The following ACTR3C variants were observed in gnomAD, a reference collection of about 807,000 sequenced individuals.
ACTR3C encodes actin-related protein 3C.
Under a neutral mutation model 26.3 loss-of-function variants are expected in ACTR3C, and 18 were observed. The observed-to-expected ratio is 0.68, with a 90% CI of 0.47 to 1.01. ACTR3C has a LOEUF of 1.01. Ranked by LOEUF, ACTR3C falls within the 50% of genes least tolerant of loss-of-function variation. The pLI is 0.00. For missense variants in ACTR3C, 184 were observed against 250.7 expected (o/e 0.73, Z 1.80); for synonymous variants, 55 against 94.5 (o/e 0.58, Z 2.42).
the ACTR3C span, among the ~76,000 whole-genome samples, chr7:150,103,671 AT>A: frequency 6.6e-6 from 1 of 151,814 alleles, no homozygotes; most frequent in African/African-American, 2.4e-5. Context: ...AAGATTTTCC[AT>A]TTTTTAAATT....
At position 150,275,257 on chromosome 7, in the gene ACTR3C, C is replaced by T. The variant is rs960724114; in HGVS notation, c.564+9496G>A. ...AACAGACACAGCATGGAGCATCAGG[C>T]CTCATTACAAATCATGTTTTTAAAG... On this transcript the variant is annotated intron_variant, in intron 6 of 7. Transcript: ENST00000683684. 6.6e-5 allele frequency among the ~76,000 whole-genome samples: 10 copies of T among 152,286 alleles called. No individual in the cohort carries two copies. The South Asian group carries it at 1.0e-3, about 16-fold the overall frequency.
At chr7:150,305,487 C>T (rs566701544) in intron 1 of ACTR3C, among the ~76,000 whole-genome samples, 19 of 152,226 alleles carry the variant, frequency 1.2e-4, no homozygotes. Flanking sequence ...CTGACCTCCT[C>T]TCTCCACACT....
chr7:150,049,769 GT>G, the ACTR3C span, among the ~76,000 whole-genome samples: 1 of 152,226 alleles, frequency 6.6e-6, no homozygotes, highest in Non-Finnish European at 1.5e-5. Context: ...CCAGTGTGTA[GT>G]TTTTGGTTTA....
chr7:149,971,597 A>G, the ACTR3C span, among the ~76,000 whole-genome samples: 3,211 of 152,350 alleles, frequency 0.021, 95 homozygotes, highest in African/African-American at 0.072. Flanking sequence ...TGTAGGCGGT[A>G]TATAAACAGA....
At chr7:150,101,211 G>A in the ACTR3C span, among the ~76,000 whole-genome samples, 2 of 151,634 alleles carry the variant, frequency 1.3e-5, no homozygotes, top group African/African-American at 4.9e-5. Context: ...AAAGGAAAAA[G>A]TTACTCAGTG....
chr7:149,888,500 C>G, the ACTR3C span, among the ~76,000 whole-genome samples: 1 of 152,244 alleles, frequency 6.6e-6, no homozygotes, highest in Non-Finnish European at 1.5e-5. Context: ...TTGGACATTT[C>G]GGTTTCCACT....
intron 1 of ACTR3C, among the ~76,000 whole-genome samples, chr7:150,298,130 G>C (rs1795092818): frequency 6.6e-6 from 1 of 150,880 alleles, no homozygotes; most frequent in Non-Finnish European, 1.5e-5. Context: ...GAGAAGGAAG[G>C]GGAGGCAAGA....
chr7:150,023,748 A>T, the ACTR3C span, among the ~76,000 whole-genome samples: 1 of 148,926 alleles, frequency 6.7e-6, no homozygotes, highest in African/African-American at 2.5e-5. Flanking sequence ...ATTAATCGCG[A>T]TGAGTACTGA....
chr7:150,076,696 C>A, the ACTR3C span: 2 of 152,148 alleles, frequency 1.3e-5, no homozygotes, highest in African/African-American at 4.8e-5. Flanking sequence ...TAGAACTCAA[C>A]CTAATCTTGC....
the ACTR3C span, among the ~76,000 whole-genome samples, chr7:150,118,979 G>A: frequency 3.3e-5 from 5 of 150,552 alleles, no homozygotes; most frequent in African/African-American, 9.8e-5. Context: ...TTCATATCCT[G>A]CCAAACTAAG....
At chr7:150,059,199 AAG>A in the ACTR3C span, among the ~76,000 whole-genome samples, 1 of 152,226 alleles carries the variant, frequency 6.6e-6, no homozygotes, top group Non-Finnish European at 1.5e-5. Context: ...TAAGCATGCT[AAG>A]AGAGGCCAAT....
At chr7:149,977,355 T>A in the ACTR3C span, among the ~76,000 whole-genome samples, 1 of 152,204 alleles carries the variant, frequency 6.6e-6, no homozygotes, top group Non-Finnish European at 1.5e-5. Context: ...CAGAACAAGG[T>A]ACACAGACGT....
the ACTR3C span, among the ~76,000 whole-genome samples, chr7:150,030,625 T>C: frequency 6.6e-6 from 1 of 152,218 alleles, no homozygotes; most frequent in South Asian, 2.1e-4. Flanking sequence ...CTATGATTTA[T>C]CTTCCCTGTT....
At chr7:150,041,733 T>TG in the ACTR3C span, among the ~76,000 whole-genome samples, 1 of 112,818 alleles carries the variant, frequency 8.9e-6, no homozygotes, top group African/African-American at 3.6e-5. Flanking sequence ...CCTCCTGCGA[T>TG]GGGGGTCCTA....
chr7:149,969,520 T>C, the ACTR3C span, among the ~76,000 whole-genome samples: 9 of 152,134 alleles, frequency 5.9e-5, no homozygotes, highest in African/African-American at 1.7e-4. Context: ...TAAAGCCCTT[T>C]TCTTGACTAC....
At chr7:149,914,339 C>T in the ACTR3C span, among the ~76,000 whole-genome samples, 3 of 151,988 alleles carry the variant, frequency 2.0e-5, no homozygotes, top group African/African-American at 7.2e-5. Flanking sequence ...CACCTGTAAT[C>T]CTAGCACTTT....
At chr7:150,144,059 A>AT in the ACTR3C span, among the ~76,000 whole-genome samples, 6 of 152,084 alleles carry the variant, frequency 3.9e-5, no homozygotes, top group Non-Finnish European at 7.4e-5. The surrounding 1 kb of genome is among the most constrained non-coding windows in gnomAD (Gnocchi z 4.6). Flanking sequence ...CCAAGTTGTC[A>AT]TTTTTTGCTA....
chr7:150,086,490 C>A, the ACTR3C span, among the ~76,000 whole-genome samples: 1 of 152,036 alleles, frequency 6.6e-6, no homozygotes, highest in African/African-American at 2.4e-5. Context: ...TAGAATTTAT[C>A]AAGGCCTCTG....
the ACTR3C span, among the ~76,000 whole-genome samples, chr7:150,180,653 C>T: frequency 6.7e-6 from 1 of 148,630 alleles, no homozygotes; most frequent in Non-Finnish European, 1.5e-5. Context: ...GCTGGGACTA[C>T]AGGCGCGCGC....
Sources: allele counts gnomAD v4.1 joint callset (sites outside exome capture counted in the v4.1 genomes callset), GRCh38; gene constraint gnomAD v4.1.1; non-coding constraint Gnocchi (gnomAD v3.1); transcripts MANE v1.5; gene names NCBI Gene and HGNC (gene_info 2026-07-23, HGNC 2026-07-21).